Variants in USH2A observed in about 807,000 individuals in gnomAD.
USH2A encodes Usher syndrome 2A (autosomal recessive, mild).
Under a neutral mutation model 538.9 loss-of-function variants are expected in USH2A, and 443 were observed. That is an observed-to-expected ratio of 0.82 (90% CI 0.76 to 0.89). The LOEUF (loss-of-function observed/expected upper bound fraction) is 0.89. Among genes scored for constraint, USH2A ranks in the 40% least tolerant of loss-of-function variants. The pLI is 0.00. For synonymous variants in USH2A, 2,413 were observed against 2,273.5 expected (o/e 1.06, Z -1.75); for missense variants, 6,633 against 6,324.8 (o/e 1.05, Z -1.65).
intron 4 of USH2A, among the ~76,000 whole-genome samples, chr1:216,342,214 T>A (rs1298255941): frequency 6.6e-6 from 1 of 152,184 alleles, no homozygotes; most frequent in African/African-American, 2.4e-5. Flanking sequence ...AAAGAAGACA[T>A]TAATGCAGTC....
At chr1:216,138,288 C>A (rs973327876) in intron 21 of USH2A, among the ~76,000 whole-genome samples, 5 of 151,992 alleles carry the variant, frequency 3.3e-5, no homozygotes, top group African/African-American at 7.2e-5. Context: ...TAGTATTGCT[C>A]AAAAAATGCA....
At position 215,894,741 on chromosome 1, in the gene USH2A, T is replaced by TC. The variant is rs1403443365; in HGVS notation, c.7594+5333dup. 5.6e-4 allele frequency among the ~76,000 whole-genome samples: 85 copies of TC among 152,174 alleles called. 2 individuals are homozygous for TC. The highest frequency in any genetic ancestry group is 5.9e-5 in the Non-Finnish European group (4 of 68,014). On this transcript the variant is annotated intron_variant, in intron 40 of 71. Coordinates refer to ENST00000307340, the MANE Select transcript of USH2A (RefSeq NM_206933.4). ...GAGAATCACTTTTGGGATGTCCCTC[T>TC]CTTACATTCACCTCTTGTCCCCACC...
intron 35 of USH2A, among the ~76,000 whole-genome samples, chr1:215,977,024 C>T (rs1414390320): frequency 2.0e-5 from 3 of 147,482 alleles, no homozygotes; most frequent in Non-Finnish European, 4.5e-5. Flanking sequence ...GTAGGGGAGG[C>T]AGTTCCTACC....
At chr1:215,843,292 A>T (rs548695372) in intron 46 of USH2A, among the ~76,000 whole-genome samples, 1 of 152,322 alleles carries the variant, frequency 6.6e-6, no homozygotes, top group African/African-American at 2.4e-5. Context: ...ATAGTTTATT[A>T]AAAAATTTTG....
intron 4 of USH2A, among the ~76,000 whole-genome samples, chr1:216,356,700 T>C (rs924925216): frequency 6.6e-6 from 1 of 152,096 alleles, no homozygotes; most frequent in Non-Finnish European, 1.5e-5. Flanking sequence ...TGAATTATAA[T>C]TTATTAAATC....
intron 30 of USH2A, among the ~76,000 whole-genome samples, chr1:216,056,900 A>C (rs994345471): frequency 7.2e-5 from 11 of 152,194 alleles, no homozygotes; most frequent in African/African-American, 2.7e-4. Context: ...AAATGATCAT[A>C]AAAGGTAGAA....
Position 215,625,445 on chromosome 1 carries a change from G to C in USH2A, c.*336C>G. ...AACTAACTTACTACTTCTAACAACT[G>C]TGAGCCATCTTGAAATTGCCACTGA... On this transcript the variant is annotated 3_prime_UTR_variant, in exon 72 of 72. Coordinates refer to ENST00000307340, the MANE Select transcript of USH2A (RefSeq NM_206933.4). 1 of 362,654 alleles carries C rather than the reference G, an allele frequency of 2.8e-6. No individual in the cohort carries two copies. The highest frequency in any genetic ancestry group is 2.6e-5 in the South Asian group (1 of 38,924). The allele number at this position is 362,654 out of a possible 1,614,324, so 22.5% of individuals were successfully genotyped here.
In USH2A at chr1:215,647,628, G is replaced by C; in HGVS notation, c.14685C>G (p.Ser4895Arg). ...TGGTGTAGGGCTGGAGACCCCCAAG[G>C]CTGGCTTTCTGCCCCAGCCCCGTGT... Reference protein sequence around the residue: ...TKYTGLGQKASLGGLQPYTTY... With the variant: ...TKYTGLGQKARLGGLQPYTTY... The change falls in exon 67 of 72, where the codon AGC (serine) becomes AGG (arginine). Residue 4895 changes from serine (S) to arginine (R), a missense_variant. Ser to Arg is a moderately radical substitution (Grantham distance 110). Coordinates refer to ENST00000307340, the MANE Select transcript of USH2A (RefSeq NM_206933.4). 2 of 1,614,140 alleles carry C rather than the reference G, an allele frequency of 1.2e-6. No individual in the cohort carries two copies. The highest frequency in any genetic ancestry group is 8.5e-7 in the Non-Finnish European group (1 of 1,180,044).
Position 216,251,075 on chromosome 1 carries a change from C to T in USH2A, c.1995G>A (p.Lys665=), listed in dbSNP as rs969622620. The T allele has an allele frequency of 1.2e-6, 2 of 1,613,896 alleles. No individual in the cohort carries two copies. The highest frequency in any genetic ancestry group is 2.7e-5 in the African/African-American group (2 of 74,912). Residue 665 remains lysine (K), a synonymous_variant, in exon 12 of 72, where the codon AAG becomes AAA. Coordinates refer to ENST00000307340, the MANE Select transcript of USH2A (RefSeq NM_206933.4). The stretch of plus-strand genomic sequence containing the variant: ...TGCACTGCCTGCCAGACACGTGTCT[C>T]TTACAATTACACTGTCCTCCAATCT... ...CDQIGGQCNC[K]RHVSGRQCNQ...
chr1:215,802,361 A>G (rs59593969), intron 49 of USH2A, among the ~76,000 whole-genome samples: 1 of 152,236 alleles, frequency 6.6e-6, no homozygotes, highest in East Asian at 1.9e-4. Context: ...TTAAAATTAT[A>G]TATCTGATAA....
At chr1:215,630,257 C>T (rs2087767550) in intron 70 of USH2A, 1 of 457,258 alleles carries the variant, frequency 2.2e-6, no homozygotes, top group South Asian at 1.5e-5. Context: ...GCCACAGAGT[C>T]AAACTGAGAA....
intron 35 of USH2A, among the ~76,000 whole-genome samples, chr1:215,979,697 T>C (rs982216650): frequency 7.2e-5 from 11 of 152,158 alleles, no homozygotes; most frequent in Admixed American, 7.2e-4. Flanking sequence ...TATATATACT[T>C]TCTTTTTAAT....
intron 60 of USH2A, among the ~76,000 whole-genome samples, chr1:215,730,997 T>C (rs1659978941): frequency 6.6e-6 from 1 of 152,210 alleles, no homozygotes; most frequent in Non-Finnish European, 1.5e-5. Flanking sequence ...AGGAACACAA[T>C]ACAGCAAACA....
At chr1:215,665,044 C>G (rs1490181166) in intron 64 of USH2A, among the ~76,000 whole-genome samples, 2 of 152,166 alleles carry the variant, frequency 1.3e-5, no homozygotes, top group Non-Finnish European at 2.9e-5. Context: ...TTTCTCCCTC[C>G]CACTTCTAAC....
chr1:216,377,835 GAAAGAAAGAAAGAAAGAAAGAAAGAA>G (rs2038857410), intron 3 of USH2A, among the ~76,000 whole-genome samples: 1 of 116,300 alleles, frequency 8.6e-6, no homozygotes, highest in South Asian at 2.8e-4. Context: ...AAGAAAGAAA[GAAAGAAAGAAAGAAAGAAAGAAAGAA>G]AGAAAGAAGG....
chr1:215,894,838 G>A (rs151006706), intron 40 of USH2A, among the ~76,000 whole-genome samples: 63 of 152,288 alleles, frequency 4.1e-4, no homozygotes, highest in African/African-American at 1.5e-3. Flanking sequence ...GGTCTCATAT[G>A]TCAGTGCTCT....
At chr1:216,166,747 G>A (rs1218233624) in intron 21 of USH2A, among the ~76,000 whole-genome samples, 2 of 152,264 alleles carry the variant, frequency 1.3e-5, no homozygotes, top group East Asian at 3.9e-4. Flanking sequence ...AGGAGGAACA[G>A]GTTTCAGGAG....
intron 14 of USH2A, among the ~76,000 whole-genome samples, chr1:216,218,046 G>T (rs1255359067): frequency 6.6e-6 from 1 of 152,016 alleles, no homozygotes; most frequent in African/African-American, 2.4e-5. Flanking sequence ...GTTCGATGAA[G>T]ACTAAATTTC....
At position 215,817,078 on chromosome 1, in the gene USH2A, C is replaced by G. The variant is rs2102796384; in HGVS notation, c.9489G>C (p.Gln3163His). 6.2e-7 allele frequency: 1 copy of G among 1,612,882 alleles called. No individual in the cohort carries two copies. The highest frequency in any genetic ancestry group is 1.1e-5 in the South Asian group (1 of 91,062). Residue 3163 changes from glutamine (Q) to histidine (H), a missense_variant, in exon 48 of 72, where the codon CAG (glutamine) becomes CAC (histidine). Physicochemically the swap from Gln to His is conservative, Grantham distance 24. Coordinates refer to ENST00000307340, the MANE Select transcript of USH2A (RefSeq NM_206933.4). ...CAKTQKLVQDQSDELCKAVRC... is the reference protein window; with the variant it reads ...CAKTQKLVQDHSDELCKAVRC... Reference sequence around the variant, plus strand: ...TCACTGCCTTGCAGAGCTCATCACTCTGATCCTGCACTAACTTTTGAGTTT... The same window carrying G: ...TCACTGCCTTGCAGAGCTCATCACTGTGATCCTGCACTAACTTTTGAGTTT...
Sources: gnomAD v4.1 joint callset for allele counts (sites outside exome capture counted in the v4.1 genomes callset) on GRCh38, gnomAD v4.1.1 for gene constraint, MANE v1.5 for transcripts, NCBI Gene and HGNC (gene_info 2026-07-23, HGNC 2026-07-21) for gene names.